The following AP1AR variants were observed in gnomAD, a reference collection of about 807,000 sequenced individuals.
AP1AR encodes the protein AP-1 complex-associated regulatory protein.
Under a neutral mutation model 46.3 loss-of-function variants are expected in AP1AR, and 29 were observed. The ratio of observed to expected loss-of-function variants is 0.63; its 90% CI spans 0.47 to 0.85. The LOEUF is 0.85. AP1AR is among the 40% of genes least tolerant of loss of function. AP1AR has a pLI of 0.00. For missense variants in AP1AR, 357 were observed against 356.3 expected, an observed-to-expected ratio of 1.00 and a Z score of -0.02; for synonymous variants, 122 against 122.9, an observed-to-expected ratio of 0.99 and a Z score of 0.05.
chr4:112,250,667 A>G (rs892811139), intron 1 of AP1AR, among the ~76,000 whole-genome samples: 1 of 152,164 alleles, frequency 6.6e-6, no homozygotes, highest in African/African-American at 2.4e-5. Context: ...AAAAATGTTG[A>G]CCCTGAGTTT....
rs183355211 is a variant in AP1AR at position 112,271,894 on chromosome 4, C to T, written c.*3485C>T. ...CAGGGGAGCACATAGGCAGAAAAGC[C>T]CCACTAAGTGTTGACATTTAGAAGT... On this transcript the variant is annotated 3_prime_UTR_variant, in exon 10 of 10. Transcript: ENST00000274000. Among the ~76,000 whole-genome samples the T allele has an allele frequency of 9.9e-5, 15 of 152,170 alleles. No individual in the cohort carries two copies. In the East Asian group the frequency reaches 2.9e-3, roughly 29 times the overall value.
At position 112,270,929 on chromosome 4, in the gene AP1AR, C is replaced by T. The variant is rs1331524367; in HGVS notation, c.*2520C>T. Among the ~76,000 whole-genome samples, 1 of 152,148 alleles carries T rather than the reference C, an allele frequency of 6.6e-6. No homozygotes were observed. The highest frequency in any genetic ancestry group is 2.4e-5 in the African/African-American group (1 of 41,430). On this transcript the variant is annotated 3_prime_UTR_variant, in exon 10 of 10. Coordinates refer to ENST00000274000, the MANE Select transcript of AP1AR (RefSeq NM_018569.6). The stretch of plus-strand genomic sequence containing the variant: ...GTGTAGAGAATGGATTGTAAGAAGG[C>T]AAGAGTGGATATATAGCACTCCCAA...
chr4:112,245,473 A>G (rs1388311127), intron 1 of AP1AR, among the ~76,000 whole-genome samples: 1 of 152,118 alleles, frequency 6.6e-6, no homozygotes, highest in African/African-American at 2.4e-5. Flanking sequence ...TACTTTTTGG[A>G]GTTTAGATAC....
intron 6 of AP1AR, among the ~76,000 whole-genome samples, chr4:112,263,758 A>G (rs142677006): frequency 1.2e-3 from 186 of 152,310 alleles, no homozygotes; most frequent in African/African-American, 4.4e-3. Context: ...TTTAATCCTC[A>G]CAACAATCTT....
intron 1 of AP1AR, among the ~76,000 whole-genome samples, chr4:112,237,118 G>T (rs368689503): frequency 6.6e-6 from 1 of 152,026 alleles, no homozygotes; most frequent in East Asian, 1.9e-4. Flanking sequence ...TTTTCTTTTT[G>T]TTTCCCCAAG....
chr4:112,265,923 A>G (rs1726687121), intron 8 of AP1AR, 116 bp downstream of exon 8: 1 of 639,974 alleles, frequency 1.6e-6, no homozygotes, highest in Non-Finnish European at 2.6e-6. Context: ...ATTCCCAGAT[A>G]GGTCAATTTC....
intron 1 of AP1AR, among the ~76,000 whole-genome samples, chr4:112,243,730 T>G (rs1018613900): frequency 6.6e-6 from 1 of 152,200 alleles, no homozygotes; most frequent in Admixed American, 6.5e-5. Flanking sequence ...TCTTTTTCTT[T>G]TACAAACTAC....
At chr4:112,267,680 C>A (rs1345254403) in intron 9 of AP1AR, among the ~76,000 whole-genome samples, 1 of 151,926 alleles carries the variant, frequency 6.6e-6, no homozygotes, top group Non-Finnish European at 1.5e-5. Context: ...GGGATTAAAT[C>A]AGTTCATATC....
At chr4:112,261,368 G>T (rs1726435199) in intron 5 of AP1AR, among the ~76,000 whole-genome samples, 1 of 152,100 alleles carries the variant, frequency 6.6e-6, no homozygotes, top group East Asian at 1.9e-4. Context: ...AGAGGTCAAG[G>T]CTGCAGTGAG....
chr4:112,251,148 A>G (rs1725944438), intron 1 of AP1AR, among the ~76,000 whole-genome samples: 1 of 152,158 alleles, frequency 6.6e-6, no homozygotes, highest in Admixed American at 6.6e-5. Context: ...GAGCTCTCAG[A>G]AGGATATTGT....
intron 1 of AP1AR, among the ~76,000 whole-genome samples, chr4:112,252,111 T>C (rs1452804675): frequency 1.3e-5 from 2 of 152,132 alleles, no homozygotes; most frequent in African/African-American, 2.4e-5. Context: ...TGGTGGTGCA[T>C]GCCTGTATTA....
Position 112,253,234 on chromosome 4 carries a change from G to C in AP1AR, c.110G>C (p.Arg37Thr), listed in dbSNP as rs1197427145. The C allele has an allele frequency of 6.2e-7, 1 of 1,611,046 alleles. No homozygotes were observed. Among genetic ancestry groups the C allele is most frequent in the East Asian group, 2.2e-5 (1 of 44,790 alleles). Residue 37 changes from arginine (R) to threonine (T), a missense_variant, in exon 2 of 10, where the codon AGA becomes ACA. Arg to Thr is a moderately conservative substitution (Grantham distance 71, BLOSUM62 -1). Transcript: ENST00000274000. ...TCCAAGTATTTTAGAACATGCTCAAGAGGTGAGCACTTAACAATAGAGGTA... is the reference window on the plus strand; with the variant it reads ...TCCAAGTATTTTAGAACATGCTCAACAGGTGAGCACTTAACAATAGAGGTA... The part of the protein sequence containing the change: ...GGSKYFRTCS[R>T]GEHLTIEFEN...
Position 112,265,081 on chromosome 4 carries a change from C to A in AP1AR, c.440+14C>A. On this transcript the variant is annotated intron_variant, in intron 7 of 9. Coordinates refer to ENST00000274000, the MANE Select transcript of AP1AR (RefSeq NM_018569.6). ...AGAATATCAAAGGTAAATAGTGAAACATATGCCTCCTTCCCTTTGTGGTAG... is the reference window on the plus strand; with the variant it reads ...AGAATATCAAAGGTAAATAGTGAAAAATATGCCTCCTTCCCTTTGTGGTAG... 1 of 1,587,540 alleles carries A rather than the reference C, an allele frequency of 6.3e-7. No individual in the cohort carries two copies. The highest frequency in any genetic ancestry group is 1.8e-5 in the Admixed American group (1 of 54,950).
intron 1 of AP1AR, among the ~76,000 whole-genome samples, chr4:112,239,161 G>A (rs2110467170): frequency 6.6e-6 from 1 of 152,096 alleles, no homozygotes; most frequent in Admixed American, 6.5e-5. Flanking sequence ...TTGAACTTGT[G>A]TCTCCCTAAT....
At position 112,260,081 on chromosome 4, in the gene AP1AR, A is replaced by C. The variant is rs1041068295; in HGVS notation, c.186-685A>C. On this transcript the variant is annotated intron_variant, in intron 4 of 9. Transcript: ENST00000274000. ...CTGCTGGGGTCCGAGTGCCAAATTG[A>C]TGTCAGGTTTTCTCTAGCAGCCTGA... 2.0e-5 allele frequency among the ~76,000 whole-genome samples: 3 copies of C among 152,204 alleles called. No homozygotes were observed. In the South Asian group the frequency reaches 6.2e-4, roughly 32 times the overall value.
intron 1 of AP1AR, among the ~76,000 whole-genome samples, chr4:112,238,662 G>A (rs1725353730): frequency 6.6e-6 from 1 of 152,146 alleles, no homozygotes; most frequent in Admixed American, 6.5e-5. Context: ...CTAAGACTCT[G>A]TTCTGAATAT....
intron 1 of AP1AR, among the ~76,000 whole-genome samples, chr4:112,236,946 T>G (rs1363022780): frequency 1.3e-5 from 2 of 152,228 alleles, no homozygotes; most frequent in Non-Finnish European, 2.9e-5. Context: ...AACTTTTTGA[T>G]AACTTACTAT....
chr4:112,257,631 A>G lies in AP1AR; in HGVS notation c.160-141A>G, dbSNP rs530550336. Reference sequence around the variant, plus strand: ...TTTCAAATATTTTTAATAGTGAAATATATTTAATAGTGAAATGTATTTACT... The same window carrying G: ...TTTCAAATATTTTTAATAGTGAAATGTATTTAATAGTGAAATGTATTTACT... On this transcript the variant is annotated intron_variant, in intron 3 of 9. Coordinates refer to ENST00000274000, the MANE Select transcript of AP1AR (RefSeq NM_018569.6). The G allele has an allele frequency of 1.4e-5, 8 of 587,958 alleles. No homozygotes were observed. In the South Asian group the frequency reaches 2.9e-4, roughly 21 times the overall value. 36.4% of individuals were successfully genotyped at this position (587,958 alleles called of 1,614,324 possible). A position where few individuals can be genotyped will look rare whatever the true frequency, so the allele number is the denominator to read the frequency against.
intron 7 of AP1AR, 89 bp downstream of exon 7, chr4:112,265,156 C>G (rs146737294): frequency 1.3e-4 from 127 of 944,828 alleles, no homozygotes; most frequent in African/African-American, 8.5e-5. Flanking sequence ...TGTGTATATA[C>G]GCATTCATGT....
Sources: allele counts gnomAD v4.1 joint callset (sites outside exome capture counted in the v4.1 genomes callset), GRCh38; gene constraint gnomAD v4.1.1; transcripts MANE v1.5; gene names NCBI Gene and HGNC (gene_info 2026-07-23, HGNC 2026-07-21).